CHMP6: variants seen among roughly 807,000 people sequenced by gnomAD.
The protein encoded by CHMP6 is chromatin-modifying protein 6.
CHMP6 carries 10 observed loss-of-function variants against 32.8 expected under a neutral mutation model. The ratio of observed to expected loss-of-function variants is 0.30; its 90% confidence interval spans 0.19 to 0.52. The LOEUF is 0.52. Ranked by LOEUF, CHMP6 falls within the 20% of genes least tolerant of loss-of-function variation. CHMP6 has a pLI of 0.97. For missense variants in CHMP6, 269 were observed against 263.8 expected (o/e 1.02, Z -0.14); for synonymous variants, 123 against 105.8 (o/e 1.16, Z -1.00).
chr17:80,993,939 G>T (rs1296097507), intron 1 of CHMP6, among the ~76,000 whole-genome samples: 1 of 151,870 alleles, frequency 6.6e-6, no homozygotes, highest in Non-Finnish European at 1.5e-5. Flanking sequence ...TTGAGATGGA[G>T]TCTCACTCTG....
chr17:80,997,172 C>T, intron 5 of CHMP6, 89 bp from the exon 6 acceptor site: 1 of 1,600,892 alleles, frequency 6.2e-7, no homozygotes, highest in Non-Finnish European at 8.5e-7. Context: ...CGCCTTCTCT[C>T]AAGGGGACGA....
At chr17:80,992,053 GAA>G in intron 1 of CHMP6, 72 bp downstream of exon 1, 2 of 1,108,594 alleles carry the variant, frequency 1.8e-6, no homozygotes, top group Non-Finnish European at 2.3e-6. Context: ...GGCGGGGCCG[GAA>G]GAGCCCCGCG....
At position 80,997,361 on chromosome 17, in the gene CHMP6, TGA is replaced by T. The variant is rs747679996; in HGVS notation, c.495+22_495+23del. The T allele has an allele frequency of 6.2e-7, 1 of 1,600,766 alleles. No individual in the cohort carries two copies. Among genetic ancestry groups the T allele is most frequent in the Non-Finnish European group, 8.5e-7 (1 of 1,171,546 alleles). On this transcript the variant is annotated intron_variant, in intron 6 of 7. Transcript: ENST00000325167. ...ACTCAGGTAACGGCCCCCCCGGGAC[TGA>T]GCACAGTCACTCAGGCAGCGGGACC...
Position 80,991,985 on chromosome 17 carries a change from A to AGGGCCC in CHMP6, c.63+14_63+19dup, listed in dbSNP as rs752257874. The AGGGCCC allele has an allele frequency of 9.1e-5, 130 of 1,425,036 alleles. No individual in the cohort carries two copies. Among genetic ancestry groups the AGGGCCC allele is most frequent in the Non-Finnish European group, 8.5e-5 (92 of 1,078,130 alleles). The allele number at this position is 1,425,036 out of a possible 1,614,324, so 88.3% of individuals were successfully genotyped here. A position where few individuals can be genotyped will look rare whatever the true frequency, so the allele number is the denominator to read the frequency against. ...GGAGCAGGACAAGGCCATCCTGGTGAGGGCCCGGGCCCGGGGTCAGGGCTG... is the reference window on the plus strand; with the variant it reads ...GGAGCAGGACAAGGCCATCCTGGTGAGGGCCCGGGCCCGGGCCCGGGGTCAGGGCTG... On this transcript the variant is annotated splice_donor_region_variant and intron_variant, in intron 1 of 7. Transcript: ENST00000325167.
At chr17:80,998,105 C>T (rs946038556) in intron 6 of CHMP6, among the ~76,000 whole-genome samples, 2 of 152,206 alleles carry the variant, frequency 1.3e-5, no homozygotes, top group Non-Finnish European at 2.9e-5. Flanking sequence ...CCCAGGACGT[C>T]GCCTCCTTAC....
intron 6 of CHMP6, among the ~76,000 whole-genome samples, chr17:80,998,055 C>A (rs1323473210): frequency 6.6e-6 from 1 of 152,224 alleles, no homozygotes; most frequent in Admixed American, 6.5e-5. Flanking sequence ...TCTGTGTCAC[C>A]CACCCCTCGG....
chr17:80,996,118 G>A (rs896495895), intron 4 of CHMP6, among the ~76,000 whole-genome samples: 4 of 152,026 alleles, frequency 2.6e-5, no homozygotes, highest in African/African-American at 9.7e-5. Flanking sequence ...TCAGGAGTTC[G>A]AGACCAGCCT....
At chr17:80,998,740 T>C (rs1329766840) in intron 7 of CHMP6, 2 of 1,289,080 alleles carry the variant, frequency 1.6e-6, no homozygotes, top group South Asian at 1.6e-5. Context: ...CAGCCAGGGA[T>C]GGCTCTCCCC....
intron 3 of CHMP6, 46 bp downstream of exon 3, chr17:80,995,152 G>C: frequency 6.5e-7 from 1 of 1,550,126 alleles, no homozygotes. Context: ...GCAGCTGGAG[G>C]CAGCTCCGCC....
chr17:80,995,673 T>C lies in CHMP6; in HGVS notation c.263T>C (p.Val88Ala), dbSNP rs1187324321. Residue 88 changes from valine (V) to alanine (A), a missense_variant and splice_region_variant, in exon 4 of 8, where the codon GTT (valine) becomes GCT (alanine). By Grantham distance (64) the Val-to-Ala change is moderately conservative. Transcript: ENST00000325167. ...ENQISSLEAM[V>A]QSIEFTQIEM... ...CGTCTGCTCTGGTTTCCTTTTCAGG[T>C]TCAGAGTATTGAGTTCACCCAGATC... 2 of 1,613,782 alleles carry C rather than the reference T, an allele frequency of 1.2e-6. No homozygotes were observed. Among genetic ancestry groups the C allele is most frequent in the Non-Finnish European group, 1.7e-6 (2 of 1,179,836 alleles).
At chr17:80,998,463 G>A (rs201102345) in intron 7 of CHMP6, 43 bp downstream of exon 7, 4 of 1,613,866 alleles carry the variant, frequency 2.5e-6, no homozygotes, top group African/African-American at 2.7e-5. Flanking sequence ...GAATTCGCAG[G>A]AGAAAAGTGG....
At position 80,999,573 on chromosome 17, in the gene CHMP6, C is replaced by A; in HGVS notation, c.*420C>A. ...CGCTGCTCCCATTAGCTGGTGCAGG[C>A]TTCCGTTAAGGGGTCCCTCCCTTGG... On this transcript the variant is annotated 3_prime_UTR_variant, in exon 8 of 8. Coordinates refer to ENST00000325167, the MANE Select transcript of CHMP6 (RefSeq NM_024591.5). 1 of 172,218 alleles carries A rather than the reference C, an allele frequency of 5.8e-6. No individual in the cohort carries two copies. The highest frequency in any genetic ancestry group is 1.2e-5 in the Non-Finnish European group (1 of 80,518). 10.7% of individuals were successfully genotyped at this position (172,218 alleles called of 1,614,324 possible). A position where few individuals can be genotyped will look rare whatever the true frequency, so the allele number is the denominator to read the frequency against.
intron 3 of CHMP6, among the ~76,000 whole-genome samples, chr17:80,995,337 G>C (rs916345407): frequency 2.6e-5 from 4 of 152,176 alleles, no homozygotes; most frequent in African/African-American, 9.7e-5. Flanking sequence ...GGTGGGGAAG[G>C]TTGGGCCACC....
At chr17:80,998,275 G>A (rs993226708) in intron 6 of CHMP6, 91 bp from the exon 7 acceptor site, 2 of 1,437,114 alleles carry the variant, frequency 1.4e-6, no homozygotes, top group African/African-American at 1.4e-5. Flanking sequence ...GAGAGCGGCT[G>A]ACGGACAGGA....
chr17:80,998,725 G>A, intron 7 of CHMP6: 1 of 1,346,430 alleles, frequency 7.4e-7, no homozygotes, highest in South Asian at 1.6e-5. Context: ...CCCAGGATTA[G>A]CCCTCAGCCA....
At chr17:80,993,739 G>A (rs914850689) in intron 1 of CHMP6, among the ~76,000 whole-genome samples, 3 of 152,192 alleles carry the variant, frequency 2.0e-5, no homozygotes, top group African/African-American at 7.2e-5. Context: ...GATGAGAGGC[G>A]GTCAGCGGGG....
At chr17:80,994,239 A>G (rs1197944193) in intron 1 of CHMP6, among the ~76,000 whole-genome samples, 1 of 152,190 alleles carries the variant, frequency 6.6e-6, no homozygotes, top group Non-Finnish European at 1.5e-5. Context: ...AGGTCCTGGC[A>G]GCTGCTCCCT....
rs775129103 is a variant in CHMP6, at chr17:80,997,280, C to T, written c.434C>T (p.Ala145Val). Residue 145 changes from alanine to valine, a missense_variant, in exon 6 of 8, where the codon GCA becomes GTA. Transcript: ENST00000325167. ...EYQRQIDELL[A>V]GSFTQEDEDA... Reference sequence around the variant, plus strand: ...TTGCAGCAAATAGACGAGCTCCTGGCAGGAAGCTTCACTCAGGAGGATGAA... The same window carrying T: ...TTGCAGCAAATAGACGAGCTCCTGGTAGGAAGCTTCACTCAGGAGGATGAA... 1.2e-6 allele frequency: 2 copies of T among 1,613,654 alleles called. No individual in the cohort carries two copies. Among genetic ancestry groups the T allele is most frequent in the Non-Finnish European group, 1.7e-6 (2 of 1,179,916 alleles).
chr17:80,997,510 G>A (rs2069649400), intron 6 of CHMP6, among the ~76,000 whole-genome samples, 169 bp downstream of exon 6: 1 of 151,980 alleles, frequency 6.6e-6, no homozygotes, highest in Non-Finnish European at 1.5e-5. Flanking sequence ...TTTCAGGGTT[G>A]CTCACCCAAC....
Sources: allele counts gnomAD v4.1 joint callset (sites outside exome capture counted in the v4.1 genomes callset), GRCh38; gene constraint gnomAD v4.1.1; transcripts MANE v1.5; gene names NCBI Gene and HGNC (gene_info 2026-07-23, HGNC 2026-07-21).